The following TMTC1 variants were observed in gnomAD, a reference collection of about 807,000 sequenced individuals.
TMTC1 encodes transmembrane O-mannosyltransferase targeting cadherins 1, also known as protein O-mannosyl-transferase TMTC1.
A neutral mutation model predicts 104.8 loss-of-function variants in TMTC1; 73 were observed. The ratio of observed to expected loss-of-function variants is 0.70; its 90% confidence interval spans 0.58 to 0.85. TMTC1 has a LOEUF of 0.85. Ranked by LOEUF, TMTC1 falls within the 40% of genes least tolerant of loss-of-function variation. TMTC1 has a pLI of 0.00. For missense variants in TMTC1, 1,035 were observed against 1,096.1 expected, an observed-to-expected ratio of 0.94 and a Z score of 0.79; for synonymous variants, 434 against 428.7, an observed-to-expected ratio of 1.01 and a Z score of -0.15.
At chr12:29,638,269 G>A (rs887964288) in intron 5 of TMTC1, among the ~76,000 whole-genome samples, 20 of 152,008 alleles carry the variant, frequency 1.3e-4, no homozygotes, top group African/African-American at 1.4e-4. Context: ...GCTGGACATC[G>A]AGAGGAGCAG....
Position 29,715,454 on chromosome 12 carries a change from A to G in TMTC1, c.938+36212T>C, listed in dbSNP as rs1032440381. On this transcript the variant is annotated intron_variant, in intron 5 of 17. Transcript: ENST00000539277. ...AATACATAAGCTAATTTAAAAACTTATCCATCTCAGTGACATGCATTTCAA... is the reference window on the plus strand; with the variant it reads ...AATACATAAGCTAATTTAAAAACTTGTCCATCTCAGTGACATGCATTTCAA... 2.0e-5 allele frequency among the ~76,000 whole-genome samples: 3 copies of G among 152,342 alleles called. No individual in the cohort carries two copies. In the East Asian group the frequency reaches 5.8e-4, roughly 29 times the overall value.
chr12:29,687,019 T>C (rs1364116600), intron 5 of TMTC1, among the ~76,000 whole-genome samples: 2 of 152,166 alleles, frequency 1.3e-5, no homozygotes, highest in Non-Finnish European at 2.9e-5. Flanking sequence ...CTCTTCTTCA[T>C]AGTAGAAAGC....
At chr12:29,565,166 C>A (rs905733131) in intron 9 of TMTC1, among the ~76,000 whole-genome samples, 72 of 152,194 alleles carry the variant, frequency 4.7e-4, no homozygotes, top group African/African-American at 1.7e-3. Flanking sequence ...CAGTTAGAAT[C>A]CAGAAGGCAG....
chr12:29,560,082 T>C (rs1458549672), intron 9 of TMTC1, among the ~76,000 whole-genome samples: 2 of 152,210 alleles, frequency 1.3e-5, no homozygotes, highest in Non-Finnish European at 2.9e-5. Context: ...GAAGGGAATT[T>C]TCTATTGGAA....
At chr12:29,629,807 G>A (rs1759781070) in intron 6 of TMTC1, among the ~76,000 whole-genome samples, 1 of 152,128 alleles carries the variant, frequency 6.6e-6, no homozygotes, top group African/African-American at 2.4e-5. Context: ...CTTTAAAATA[G>A]TTAATTGTAT....
intron 5 of TMTC1, among the ~76,000 whole-genome samples, chr12:29,650,286 T>C (rs1179244825): frequency 6.6e-6 from 1 of 152,064 alleles, no homozygotes; most frequent in Non-Finnish European, 1.5e-5. Context: ...GGTTTCACCA[T>C]GTTAGCCAGG....
chr12:29,538,417 A>G (rs916085242), intron 10 of TMTC1, among the ~76,000 whole-genome samples: 2 of 152,212 alleles, frequency 1.3e-5, no homozygotes, highest in Non-Finnish European at 2.9e-5. Context: ...AATCTTTAAT[A>G]ACATTAATTT....
At position 29,567,806 on chromosome 12, in the gene TMTC1, G is replaced by A. The variant is rs36043605; in HGVS notation, c.1532+4299C>T. On this transcript the variant is annotated intron_variant, in intron 9 of 17. Coordinates refer to ENST00000539277, the MANE Select transcript of TMTC1 (RefSeq NM_001193451.2). ...AAACTTCACCCCAAGCTGTGCCTTA[G>A]GGTCTGCCTTATTTCTTCTGTTTGA... Among the ~76,000 whole-genome samples the A allele has an allele frequency of 9.5e-3, 1,439 of 152,232 alleles. 17 individuals are homozygous for A. The highest frequency in any genetic ancestry group is 0.037 in the South Asian group (177 of 4,824).
At chr12:29,764,067 A>G (rs1424649787) in intron 2 of TMTC1, among the ~76,000 whole-genome samples, 1 of 152,250 alleles carries the variant, frequency 6.6e-6, no homozygotes, top group Non-Finnish European at 1.5e-5. Context: ...GCAAATGGCC[A>G]GCATGTATTT....
At chr12:29,644,056 ATAAATATATAATTTATAG>A (rs1555181011) in intron 5 of TMTC1, among the ~76,000 whole-genome samples, 1 of 27,174 alleles carries the variant, frequency 3.7e-5, no homozygotes, top group Non-Finnish European at 7.4e-5. Context: ...ATATATAAAT[ATAAATATATAATTTATAG>A]ATAAATATAA....
At chr12:29,674,656 A>C (rs1940653626) in intron 5 of TMTC1, among the ~76,000 whole-genome samples, 1 of 152,128 alleles carries the variant, frequency 6.6e-6, no homozygotes, top group Admixed American at 6.6e-5. Flanking sequence ...AGGAGGAGGG[A>C]GGGAGGTGGC....
At chr12:29,726,686 A>C (rs149981805) in intron 5 of TMTC1, among the ~76,000 whole-genome samples, 4 of 152,244 alleles carry the variant, frequency 2.6e-5, no homozygotes, top group African/African-American at 9.6e-5. Flanking sequence ...ACCCTTTAAC[A>C]ATCCAAAAAT....
chr12:29,756,342 G>A (rs1943215636), intron 3 of TMTC1, among the ~76,000 whole-genome samples: 1 of 152,142 alleles, frequency 6.6e-6, no homozygotes, highest in Non-Finnish European at 1.5e-5. Context: ...TAGCGTTGTA[G>A]GGGGGATTAA....
rs1937707410 is a variant in TMTC1 at position 29,622,131 on chromosome 12, A to T, written c.1128+11016T>A. 3.3e-5 allele frequency among the ~76,000 whole-genome samples: 5 copies of T among 152,218 alleles called. No homozygotes were observed. The South Asian group carries it at 1.0e-3, about 32-fold the overall frequency. ...CCACTGCCCAATGTTCATTCTCAAA[A>T]GACATCTCATGACTGAGGCTATTAT... On this transcript the variant is annotated intron_variant, in intron 6 of 17. Transcript: ENST00000539277.
At chr12:29,514,745 G>A (rs933850416) in intron 15 of TMTC1, 141 bp from the exon 16 acceptor site, 62 of 919,164 alleles carry the variant, frequency 6.7e-5, no homozygotes, top group Admixed American at 2.9e-4. Context: ...TTGGTCAGGC[G>A]TAGTGGCTAA....
intron 5 of TMTC1, among the ~76,000 whole-genome samples, chr12:29,707,382 C>T (rs916074344): frequency 1.3e-5 from 2 of 152,126 alleles, no homozygotes; most frequent in Non-Finnish European, 2.9e-5. Context: ...GTCTTTACTC[C>T]TGCTCCCTGC....
chr12:29,772,503 G>C (rs921122624), intron 1 of TMTC1, among the ~76,000 whole-genome samples: 12 of 152,146 alleles, frequency 7.9e-5, no homozygotes, highest in African/African-American at 2.9e-4. Context: ...ATATTCCCAT[G>C]TACCTGAAAT....
chr12:29,673,424 T>A (rs1327313088), intron 5 of TMTC1, among the ~76,000 whole-genome samples: 3 of 152,144 alleles, frequency 2.0e-5, no homozygotes, highest in Non-Finnish European at 4.4e-5. Flanking sequence ...CCATAATAAT[T>A]AAGTCTACAT....
intron 7 of TMTC1, among the ~76,000 whole-genome samples, chr12:29,597,489 C>T (rs1041705061): frequency 4.6e-5 from 7 of 151,952 alleles, no homozygotes; most frequent in African/African-American, 7.3e-5. Context: ...GGGCCACTGT[C>T]GGGCCCTCCA....
Sources: allele counts gnomAD v4.1 joint callset (sites outside exome capture counted in the v4.1 genomes callset), GRCh38; gene constraint gnomAD v4.1.1; transcripts MANE v1.5; gene names NCBI Gene and HGNC (gene_info 2026-07-23, HGNC 2026-07-21).